Variants in CENPP observed in about 807,000 individuals in gnomAD.
CENPP encodes the protein centromere protein P.
A neutral mutation model predicts 35.6 loss-of-function variants in CENPP; 24 were observed. That is an observed-to-expected ratio of 0.67 (90% confidence interval 0.49 to 0.95). CENPP has a LOEUF of 0.95. CENPP is among the 40% of genes least tolerant of loss of function. The pLI, the probability that CENPP is intolerant of heterozygous loss-of-function variation, is 0.00. For synonymous variants in CENPP, 120 were observed against 125.5 expected (o/e 0.96, Z 0.29); for missense variants, 332 against 345.3 (o/e 0.96, Z 0.31).
At chr9:92,442,574 G>A (rs1844438215) in intron 5 of CENPP, among the ~76,000 whole-genome samples, 1 of 152,008 alleles carries the variant, frequency 6.6e-6, no homozygotes, top group Non-Finnish European at 1.5e-5. Context: ...ATACAGTTGG[G>A]CACAGTGGCT....
At chr9:92,410,997 CAG>C (rs1054315700) in intron 5 of CENPP, among the ~76,000 whole-genome samples, 13 of 152,106 alleles carry the variant, frequency 8.5e-5, no homozygotes, top group Non-Finnish European at 1.6e-4. Flanking sequence ...CCTTTTGAGA[CAG>C]AGTCTCGCTC....
intron 1 of CENPP, among the ~76,000 whole-genome samples, chr9:92,331,904 C>T (rs560450960): frequency 1.3e-5 from 2 of 152,272 alleles, no homozygotes; most frequent in South Asian, 4.2e-4. Flanking sequence ...ACTATGATTA[C>T]ACCACTGCAC....
rs1027926092 is a variant in CENPP, at chr9:92,618,375, G to A, written c.*5226G>A. ...GGGCCTTCAGCTTTCCCCGCATGCT[G>A]GCTTTCCAATTTGACATCACTGACC... is the stretch of plus-strand genomic sequence containing the variant. On this transcript the variant is annotated 3_prime_UTR_variant, in exon 8 of 8. Coordinates refer to ENST00000375587, the MANE Select transcript of CENPP (RefSeq NM_001012267.3). The A allele has an allele frequency of 1.8e-5, 8 of 456,596 alleles. No homozygotes were observed. The highest frequency in any genetic ancestry group is 1.6e-4 in the African/African-American group (8 of 50,062). The allele number at this position is 456,596 out of a possible 1,614,324, so 28.3% of individuals were successfully genotyped here.
chr9:92,328,007 A>G (rs1466896685), intron 1 of CENPP, among the ~76,000 whole-genome samples: 1 of 152,194 alleles, frequency 6.6e-6, no homozygotes, highest in African/African-American at 2.4e-5. Flanking sequence ...AGGAAGGGGT[A>G]TAACGAGGTG....
At chr9:92,521,785 T>G (rs1279304621) in intron 5 of CENPP, among the ~76,000 whole-genome samples, 2 of 152,184 alleles carry the variant, frequency 1.3e-5, no homozygotes, top group Non-Finnish European at 2.9e-5. Flanking sequence ...GGTTGAAAAT[T>G]TTTGGTTGAA....
chr9:92,588,901 A>G (rs1850605197), intron 5 of CENPP, among the ~76,000 whole-genome samples: 1 of 152,152 alleles, frequency 6.6e-6, no homozygotes, highest in Non-Finnish European at 1.5e-5. Flanking sequence ...CTAGTCTGAG[A>G]CGCCCATGAG....
Position 92,613,679 on chromosome 9 carries a change from T to C in CENPP, c.*530T>C, listed in dbSNP as rs926577559. The C allele has an allele frequency of 2.5e-5, 4 of 157,418 alleles. No homozygotes were observed. The highest frequency in any genetic ancestry group is 9.6e-5 in the African/African-American group (4 of 41,488). The allele number at this position is 157,418 out of a possible 1,614,324, so 9.8% of individuals were successfully genotyped here. On this transcript the variant is annotated 3_prime_UTR_variant, in exon 8 of 8. Transcript: ENST00000375587. Reference sequence around the variant, plus strand: ...GCAGTCTCAGCAAGTCCTCATGCTGTTCTTGGTCTTCCACAAGAAAGTGAA... The same window carrying C: ...GCAGTCTCAGCAAGTCCTCATGCTGCTCTTGGTCTTCCACAAGAAAGTGAA...
At position 92,552,098 on chromosome 9, in the gene CENPP, GATCTATCATATATAT is replaced by G. The variant is rs1350838440; in HGVS notation, c.565-59215_565-59201del. 8.2e-5 allele frequency among the ~76,000 whole-genome samples: 11 copies of G among 133,694 alleles called. 1 individual carries two copies. Among genetic ancestry groups the G allele is most frequent in the African/African-American group, 2.9e-4 (10 of 34,374 alleles). 87.7% of individuals were successfully genotyped at this position (133,694 alleles called of 152,430 possible). A position where few individuals can be genotyped will look rare whatever the true frequency, so the allele number is the denominator to read the frequency against. On this transcript the variant is annotated intron_variant, in intron 5 of 7. Transcript: ENST00000375587. The stretch of plus-strand genomic sequence containing the variant: ...GATCTATCATATATGTGATATGATA[GATCTATCATATATAT>G]GTGATATGATAGATCTATCATATAT...
intron 5 of CENPP, chr9:92,522,913 C>A: frequency 6.5e-7 from 1 of 1,543,296 alleles, no homozygotes; most frequent in South Asian, 1.3e-5. Context: ...AACAATATTT[C>A]AAAGTTAGTG....
At chr9:92,612,753 A>G in intron 7 of CENPP, 139 bp downstream of exon 7, 1 of 723,704 alleles carries the variant, frequency 1.4e-6, no homozygotes, top group Non-Finnish European at 2.3e-6. Context: ...CAATTTTTAA[A>G]TATTTTTATC....
At chr9:92,597,389 A>G (rs1465438531) in intron 5 of CENPP, among the ~76,000 whole-genome samples, 1 of 152,186 alleles carries the variant, frequency 6.6e-6, no homozygotes, top group Non-Finnish European at 1.5e-5. Flanking sequence ...CAATCTCAGA[A>G]TCTCCCTTAT....
At chr9:92,422,057 T>C (rs1843818162) in intron 5 of CENPP, among the ~76,000 whole-genome samples, 1 of 151,886 alleles carries the variant, frequency 6.6e-6, no homozygotes, top group African/African-American at 2.4e-5. Flanking sequence ...ATATTAACTT[T>C]TTTTTTTTTG....
At chr9:92,540,783 AT>A (rs1262656455) in intron 5 of CENPP, among the ~76,000 whole-genome samples, 2 of 149,804 alleles carry the variant, frequency 1.3e-5, no homozygotes, top group South Asian at 2.1e-4. Context: ...AAAAAAAAAA[AT>A]CATCAATGAA....
At chr9:92,481,097 A>C (rs1845896729) in intron 5 of CENPP, among the ~76,000 whole-genome samples, 1 of 152,214 alleles carries the variant, frequency 6.6e-6, no homozygotes, top group Admixed American at 6.5e-5. Flanking sequence ...TTAAAAAACA[A>C]AATCTACTGC....
intron 5 of CENPP, among the ~76,000 whole-genome samples, chr9:92,548,424 T>G (rs1038413249): frequency 2.6e-5 from 4 of 152,198 alleles, no homozygotes; most frequent in Admixed American, 6.5e-5. Flanking sequence ...ATTAGGGGGT[T>G]GTCCACCCCA....
chr9:92,539,156 G>A (rs1374661553), intron 5 of CENPP: 2 of 152,216 alleles, frequency 1.3e-5, no homozygotes, highest in Non-Finnish European at 2.9e-5. Flanking sequence ...ATGGTTAGTT[G>A]AGAATAGTCA....
chr9:92,349,000 C>T (rs1841375241), intron 4 of CENPP, among the ~76,000 whole-genome samples: 1 of 152,094 alleles, frequency 6.6e-6, no homozygotes, highest in Admixed American at 6.5e-5. Flanking sequence ...GTAGTTTGTG[C>T]TATGTTTAGG....
chr9:92,487,144 G>A (rs1846078818), intron 5 of CENPP, among the ~76,000 whole-genome samples: 1 of 152,136 alleles, frequency 6.6e-6, no homozygotes, highest in Non-Finnish European at 1.5e-5. Context: ...TACAAGTAAT[G>A]GTTTTGTTTT....
intron 5 of CENPP, among the ~76,000 whole-genome samples, chr9:92,410,478 G>A (rs755576805): frequency 3.3e-5 from 5 of 152,200 alleles, no homozygotes; most frequent in African/African-American, 4.8e-5. Flanking sequence ...TGCCTTGTGA[G>A]GGGGTGGAGG....
Sources: gnomAD v4.1 joint callset for allele counts (sites outside exome capture counted in the v4.1 genomes callset) on GRCh38, gnomAD v4.1.1 for gene constraint, MANE v1.5 for transcripts, NCBI Gene and HGNC (gene_info 2026-07-23, HGNC 2026-07-21) for gene names.